FTSJ1: variants seen among roughly 807,000 people sequenced by gnomAD.
FTSJ1 encodes the protein FtsJ RNA 2'-O-methyltransferase 1.
A neutral mutation model predicts 28.5 loss-of-function variants in FTSJ1; 3 were observed. The ratio of observed to expected loss-of-function variants is 0.11; its 90% CI spans 0.05 to 0.27. The LOEUF is 0.27. Ranked by LOEUF, FTSJ1 falls within the 10% of genes least tolerant of loss-of-function variation. The pLI is 1.00. For missense variants in FTSJ1, 162 were observed against 279.0 expected (o/e 0.58, Z 2.99); for synonymous variants, 104 against 113.9 (o/e 0.91, Z 0.55).
chrX:48,482,351 C>G (rs2061574720), intron 9 of FTSJ1, 52 bp from the exon 10 acceptor site: 1 of 864,529 alleles, frequency 1.2e-6, no homozygotes, highest in East Asian at 3.1e-5. Flanking sequence ...TGTGTCATGA[C>G]TGGCCCCAGG....
At chrX:48,480,993 G>C (rs2061564880) in intron 5 of FTSJ1, among the ~76,000 whole-genome samples, 158 bp from the exon 6 acceptor site, 1 of 111,602 alleles carries the variant, frequency 9.0e-6, no homozygotes, top group African/African-American at 3.3e-5. Context: ...CTAAGGGTTA[G>C]GAGCTCAGAA....
Position 48,482,634 on chromosome X carries a change from C to T in FTSJ1, c.797C>T (p.Thr266Ile). 1 of 1,203,577 alleles carries T rather than the reference C, an allele frequency of 8.3e-7. No individual in the cohort carries two copies. Among genetic ancestry groups the T allele is most frequent in the Middle Eastern group, 2.3e-4 (1 of 4,339 alleles). ...GGSEYKYTPP[T>I]QPPISPPYQE... is the part of the protein sequence containing the mutation. ...TCAGAGTACAAGTACACTCCACCCA[C>T]ACAGCCCCCCATCTCGCCACCATAC... Residue 266 changes from threonine (T) to isoleucine (I), a missense_variant, in exon 11 of 13, where the codon ACA becomes ATA. Transcript: ENST00000348411.
In FTSJ1 at chrX:48,478,826, G is replaced by A. The variant is rs1367539895; in HGVS notation, c.282+119G>A. On this transcript the variant is annotated intron_variant, in intron 4 of 12. Transcript: ENST00000348411. ...AAACAGAGAGAGAAAGAGAGTGAGA[G>A]AGTAACCATGGAGAAACAGTCAGCA... is the stretch of plus-strand genomic sequence containing the variant. 5 of 564,630 alleles carry A rather than the reference G, an allele frequency of 8.9e-6. No homozygotes were observed. The African/African-American group carries it at 9.0e-5, about 10-fold the overall frequency. 46.5% of individuals were successfully genotyped at this position (564,630 alleles called of 1,213,427 possible). A position where few individuals can be genotyped will look rare whatever the true frequency, so the allele number is the denominator to read the frequency against.
In FTSJ1 at chrX:48,481,666, C is replaced by A. The variant is rs782705967; in HGVS notation, c.606C>A (p.Pro202=). 6.7e-6 allele frequency: 8 copies of A among 1,201,268 alleles called. No homozygotes were observed. Among genetic ancestry groups the A allele is most frequent in the Non-Finnish European group, 9.0e-6 (8 of 885,663 alleles). The change falls in exon 9 of 13, where the codon CCC becomes CCA. Residue 202 remains proline, a synonymous_variant. Transcript: ENST00000348411. Reference sequence around the variant, plus strand: ...CTGTCTGTCAGGGCTATGACCCTCCCGAGGGCTTCATCCCGGACCTGAGCA... The same window carrying A: ...CTGTCTGTCAGGGCTATGACCCTCCAGAGGGCTTCATCCCGGACCTGAGCA... ...AFAVCQGYDP[P]EGFIPDLSKP... is the part of the protein sequence containing the mutation.
intron 4 of FTSJ1, 128 bp downstream of exon 4, chrX:48,478,835 T>C: frequency 3.6e-6 from 2 of 555,973 alleles, no homozygotes; most frequent in East Asian, 3.6e-5. Flanking sequence ...AGAGTAACCA[T>C]GGAGAAACAG....
Position 48,478,092 on chromosome X carries a change from G to A in FTSJ1, c.45G>A (p.Leu15=). The A allele has an allele frequency of 8.3e-7, 1 of 1,211,180 alleles. No homozygotes were observed. The change falls in exon 2 of 13, where the codon CTG becomes CTA. Residue 15 remains leucine (L), a synonymous_variant. Coordinates refer to ENST00000348411, the MANE Select transcript of FTSJ1 (RefSeq NM_012280.4). ...SKDKRDVYYR[L]AKENGWRARS... Reference sequence around the variant, plus strand: ...ACAAGCGGGATGTCTACTACCGCCTGGCCAAGGAGAATGGCTGGCGTGCTC... The same window carrying A: ...ACAAGCGGGATGTCTACTACCGCCTAGCCAAGGAGAATGGCTGGCGTGCTC...
At chrX:48,477,800 G>A (rs1445530829) in intron 1 of FTSJ1, among the ~76,000 whole-genome samples, 161 bp from the exon 2 acceptor site, 2 of 110,781 alleles carry the variant, frequency 1.8e-5, no homozygotes, top group African/African-American at 3.3e-5. Flanking sequence ...GAGGGTCTGT[G>A]TGATAAGCAG....
intron 12 of FTSJ1, among the ~76,000 whole-genome samples, chrX:48,484,146 G>A (rs782110046): frequency 1.5e-4 from 16 of 105,601 alleles, no homozygotes; most frequent in East Asian, 3.0e-4. Context: ...CTCAGCTCAC[G>A]GCAACCTCCA....
chrX:48,484,125 A>AGTG (rs202091500), intron 12 of FTSJ1, among the ~76,000 whole-genome samples: 1,680 of 109,265 alleles, frequency 0.015, 36 homozygotes, highest in African/African-American at 0.053. Flanking sequence ...GCTGGAGTGC[A>AGTG]GTGGCATGAT....
At chrX:48,479,852 G>A (rs1423546277) in intron 5 of FTSJ1, among the ~76,000 whole-genome samples, 2 of 109,699 alleles carry the variant, frequency 1.8e-5, no homozygotes, top group Non-Finnish European at 3.8e-5. Flanking sequence ...CTAAAAAAAC[G>A]GGGTGAGGAG....
chrX:48,486,000 G>A lies in FTSJ1; in HGVS notation c.*274G>A, dbSNP rs2061600331. The A allele has an allele frequency of 8.9e-6, 1 of 112,259 alleles. No individual in the cohort carries two copies. Among genetic ancestry groups the A allele is most frequent in the Admixed American group, 9.5e-5 (1 of 10,545 alleles). 9.3% of individuals were successfully genotyped at this position (112,259 alleles called of 1,213,427 possible). ...ATGTCCAGAATTTTCCCTAAAGGCAGGGATTCTTAACCTGGATAGAAGCCA... is the reference window on the plus strand; with the variant it reads ...ATGTCCAGAATTTTCCCTAAAGGCAAGGATTCTTAACCTGGATAGAAGCCA... On this transcript the variant is annotated 3_prime_UTR_variant, in exon 13 of 13. Transcript: ENST00000348411.
chrX:48,485,906 TGTACTGCAG>T lies in FTSJ1; in HGVS notation c.*181_*189del, dbSNP rs1267202270. On this transcript the variant is annotated 3_prime_UTR_variant, in exon 13 of 13. Coordinates refer to ENST00000348411, the MANE Select transcript of FTSJ1 (RefSeq NM_012280.4). ...AGGAAAGAAACCATGAAAGTCTGTC[TGTACTGCAG>T]TGGGAATTCTTGAGTGAGGTCTTAC... is the stretch of plus-strand genomic sequence containing the variant. 1 of 112,181 alleles carries T rather than the reference TGTACTGCAG, an allele frequency of 8.9e-6. No homozygotes were observed. Among genetic ancestry groups the T allele is most frequent in the Non-Finnish European group, 1.9e-5 (1 of 53,312 alleles). The allele number at this position is 112,181 out of a possible 1,213,427, so 9.2% of individuals were successfully genotyped here.
At chrX:48,482,836 G>T (rs372032094) in intron 11 of FTSJ1, 42 bp downstream of exon 11, 2 of 1,204,875 alleles carry the variant, frequency 1.7e-6, no homozygotes, top group Non-Finnish European at 2.2e-6. Context: ...CCCCTTCCCC[G>T]TGTGCCTTTT....
rs1328992149 is a variant in FTSJ1 at position 48,485,342 on chromosome X, G to A, written c.*10-394G>A. On this transcript the variant is annotated intron_variant, in intron 12 of 12. Coordinates refer to ENST00000348411, the MANE Select transcript of FTSJ1 (RefSeq NM_012280.4). ...AGTGTTGCTAGCAGCACTATCTATA[G>A]TATATGCCCATTAAATCGTGGTACA... 2.7e-5 allele frequency among the ~76,000 whole-genome samples: 3 copies of A among 111,502 alleles called. No individual in the cohort carries two copies. In the South Asian group the frequency reaches 1.1e-3, roughly 42 times the overall value.
At chrX:48,480,151 A>T (rs1556968039) in intron 5 of FTSJ1, among the ~76,000 whole-genome samples, 2 of 110,871 alleles carry the variant, frequency 1.8e-5, no homozygotes, top group East Asian at 2.8e-4. Flanking sequence ...TCTCAAAAAA[A>T]AAAGGTGGGG....
rs1471001561 is a variant in FTSJ1 at position 48,478,507 on chromosome X, C to T, written c.180C>T (p.Ser60=). The T allele has an allele frequency of 8.3e-7, 1 of 1,209,931 alleles. No individual in the cohort carries two copies. Among genetic ancestry groups the T allele is most frequent in the African/African-American group, 1.7e-5 (1 of 57,767 alleles). The part of the protein sequence containing the change: ...AAPGSWSQVL[S]QKIGGQGSGH... ...CAGGCAGCTGGAGCCAGGTGCTGAG[C>T]CAGAAGATCGGGTAAGTGTGGGGGT... The change falls in exon 3 of 13, where the codon AGC becomes AGT. Residue 60 remains serine, a synonymous_variant. Coordinates refer to ENST00000348411, the MANE Select transcript of FTSJ1 (RefSeq NM_012280.4).
At position 48,481,270 on chromosome X, in the gene FTSJ1, C is replaced by T; in HGVS notation, c.415-19C>T. 1 of 1,208,392 alleles carries T rather than the reference C, an allele frequency of 8.3e-7. No individual in the cohort carries two copies. Reference sequence around the variant, plus strand: ...CTGGCTGTCTCCACCTCAGCCTCAGCCGTCTGTCCTGCCCACAGGCTCTGA... The same window carrying T: ...CTGGCTGTCTCCACCTCAGCCTCAGTCGTCTGTCCTGCCCACAGGCTCTGA... On this transcript the variant is annotated intron_variant, in intron 6 of 12. Coordinates refer to ENST00000348411, the MANE Select transcript of FTSJ1 (RefSeq NM_012280.4).
Position 48,476,219 on chromosome X carries a change from C to T in FTSJ1, c.-265C>T. ...TGTACGTTCACATCAGGTCCCGGCC[C>T]GCCGGAACCTGGGCGATCCACGATG... On this transcript the variant is annotated 5_prime_UTR_variant, in exon 1 of 13. Coordinates refer to ENST00000348411, the MANE Select transcript of FTSJ1 (RefSeq NM_012280.4). The T allele has an allele frequency of 3.4e-6, 1 of 298,148 alleles. No individual in the cohort carries two copies. 24.6% of individuals were successfully genotyped at this position (298,148 alleles called of 1,213,427 possible).
chrX:48,483,113 G>A, intron 12 of FTSJ1, 86 bp downstream of exon 12: 1 of 705,401 alleles, frequency 1.4e-6, no homozygotes, highest in Non-Finnish European at 2.3e-6. Flanking sequence ...AAATTTTTAT[G>A]TCAACTGATA....
Sources: allele counts gnomAD v4.1 joint callset (sites outside exome capture counted in the v4.1 genomes callset), GRCh38; gene constraint gnomAD v4.1.1; transcripts MANE v1.5; gene names NCBI Gene and HGNC (gene_info 2026-07-23, HGNC 2026-07-21).